The following ACSBG2 variants were observed in gnomAD, a reference collection of about 807,000 sequenced individuals.
The protein encoded by ACSBG2 is long-chain-fatty-acid--CoA ligase ACSBG2.
In ACSBG2, 62 loss-of-function variants were observed where a neutral mutation model predicts 74.7. The observed-to-expected ratio is 0.83, with a 90% CI of 0.68 to 1.03. The LOEUF is 1.03. Among genes scored for constraint, ACSBG2 ranks in the 50% least tolerant of loss-of-function variants. The pLI, the probability that ACSBG2 is intolerant of heterozygous loss-of-function variation, is 0.00. For missense variants in ACSBG2, 730 were observed against 817.6 expected (o/e 0.89, Z 1.31); for synonymous variants, 309 against 294.1 (o/e 1.05, Z -0.52).
At chr19:6,139,394 A>G (rs2088733410) in intron 1 of ACSBG2, among the ~76,000 whole-genome samples, 1 of 152,088 alleles carries the variant, frequency 6.6e-6, no homozygotes, top group Non-Finnish European at 1.5e-5. Context: ...CCTGGCCTCA[A>G]GTTCAACTTA....
chr19:6,192,097 T>C (rs543201443), intron 14 of ACSBG2: 1 of 98,062 alleles, frequency 1.0e-5, no homozygotes, highest in Non-Finnish European at 2.1e-5. Flanking sequence ...AAAAAAAAAA[T>C]AGAATATACA....
intron 1 of ACSBG2, 32 bp from the exon 2 acceptor site, chr19:6,141,481 C>A: frequency 1.8e-6 from 2 of 1,107,924 alleles, no homozygotes; most frequent in South Asian, 1.2e-5. Flanking sequence ...CTTTGCCAAT[C>A]CTGTTAAACT....
intron 10 of ACSBG2, among the ~76,000 whole-genome samples, chr19:6,183,572 C>T (rs2090322605): frequency 6.6e-6 from 1 of 152,218 alleles, no homozygotes. Flanking sequence ...CCCCATGATC[C>T]TCCATCTCAA....
intron 10 of ACSBG2, among the ~76,000 whole-genome samples, chr19:6,184,357 A>G (rs2090339716): frequency 6.6e-6 from 1 of 152,116 alleles, no homozygotes; most frequent in South Asian, 2.1e-4. Context: ...GGTTGAACTT[A>G]TCGATCTCTT....
intron 10 of ACSBG2, among the ~76,000 whole-genome samples, chr19:6,183,955 A>C (rs954417855): frequency 2.6e-5 from 4 of 152,146 alleles, no homozygotes; most frequent in Non-Finnish European, 4.4e-5. Flanking sequence ...ATGAGCCTCC[A>C]TGCTTGGCAA....
At chr19:6,188,973 G>C (rs1329475590) in intron 13 of ACSBG2, among the ~76,000 whole-genome samples, 2 of 152,204 alleles carry the variant, frequency 1.3e-5, no homozygotes, top group Non-Finnish European at 2.9e-5. Context: ...CTGTAGAGCA[G>C]TTAAGGGGAA....
rs986996596 is a variant in ACSBG2, at chr19:6,174,575, G to A, written c.739-2654G>A. 2.0e-5 allele frequency among the ~76,000 whole-genome samples: 3 copies of A among 152,202 alleles called. No individual in the cohort carries two copies. Among genetic ancestry groups the A allele is most frequent in the Admixed American group, 6.5e-5 (1 of 15,282 alleles). ...TGTAATCCCAGCACTTTGGGAGGCC[G>A]AGACAGGAGGATTGCTTGAAGCCAG... is the stretch of plus-strand genomic sequence containing the variant. On this transcript the variant is annotated intron_variant, in intron 7 of 14. Coordinates refer to ENST00000588485, the MANE Select transcript of ACSBG2 (RefSeq NM_030924.5). The surrounding 1 kb of genome is among the most constrained non-coding windows in gnomAD (Gnocchi z 4.2).
At chr19:6,143,187 G>A (rs892821313) in intron 2 of ACSBG2, among the ~76,000 whole-genome samples, 5 of 151,972 alleles carry the variant, frequency 3.3e-5, no homozygotes, top group African/African-American at 1.2e-4. Flanking sequence ...TGGCATTACA[G>A]TCATGCACCA....
intron 7 of ACSBG2, among the ~76,000 whole-genome samples, chr19:6,169,475 G>GT (rs2089904808): frequency 6.6e-6 from 1 of 152,144 alleles, no homozygotes; most frequent in African/African-American, 2.4e-5. Context: ...GTACCATGCT[G>GT]TTTTAGTTAC....
intron 14 of ACSBG2, chr19:6,190,984 T>C (rs996237487): frequency 4.8e-6 from 1 of 208,784 alleles, no homozygotes; most frequent in Admixed American, 5.2e-5. Flanking sequence ...GCCTTTTCTA[T>C]TTGTTTCTAG....
intron 10 of ACSBG2, among the ~76,000 whole-genome samples, chr19:6,184,247 T>C (rs2090337269): frequency 1.3e-5 from 2 of 152,238 alleles, no homozygotes; most frequent in African/African-American, 4.8e-5. Flanking sequence ...TTGTCTTTCA[T>C]ATGAGTTACA....
At chr19:6,166,107 A>G (rs1055374726) in intron 7 of ACSBG2, 92 bp downstream of exon 7, 2 of 1,512,732 alleles carry the variant, frequency 1.3e-6, no homozygotes, top group East Asian at 4.6e-5. Flanking sequence ...AGGGTCTAGT[A>G]CGCAGTGTGG....
chr19:6,174,454 T>C lies in ACSBG2; in HGVS notation c.739-2775T>C, dbSNP rs2090042174. Reference sequence around the variant, plus strand: ...CTGCAGCTCTGTTTAATCTACCACATATACATAAAATGCTTAGAACAATGC... The same window carrying C: ...CTGCAGCTCTGTTTAATCTACCACACATACATAAAATGCTTAGAACAATGC... On this transcript the variant is annotated intron_variant, in intron 7 of 14. Coordinates refer to ENST00000588485, the MANE Select transcript of ACSBG2 (RefSeq NM_030924.5). The surrounding 1 kb of genome is among the most constrained non-coding windows in gnomAD (Gnocchi z 4.2). Among the ~76,000 whole-genome samples the C allele has an allele frequency of 6.6e-6, 1 of 152,194 alleles. No individual in the cohort carries two copies. Among genetic ancestry groups the C allele is most frequent in the Non-Finnish European group, 1.5e-5 (1 of 68,036 alleles).
intron 8 of ACSBG2, among the ~76,000 whole-genome samples, chr19:6,179,566 T>G (rs150881820): frequency 2.4e-3 from 369 of 152,308 alleles, no homozygotes; most frequent in Non-Finnish European, 4.4e-3. Context: ...ATTAGTTTCC[T>G]GTTAATGCCA....
chr19:6,145,475 A>G (rs2088997541), intron 2 of ACSBG2, among the ~76,000 whole-genome samples: 1 of 151,232 alleles, frequency 6.6e-6, no homozygotes, highest in East Asian at 1.9e-4. Context: ...TGGATGTGCA[A>G]TTTCCTTCCA....
chr19:6,146,505 C>A (rs1298583165), intron 2 of ACSBG2, among the ~76,000 whole-genome samples: 1 of 150,852 alleles, frequency 6.6e-6, no homozygotes, highest in East Asian at 2.0e-4. Context: ...GTGGCTCATG[C>A]CTGTAATCCC....
chr19:6,147,308 T>C (rs2089069330), intron 2 of ACSBG2, 138 bp from the exon 3 acceptor site: 1 of 658,328 alleles, frequency 1.5e-6, no homozygotes, highest in Non-Finnish European at 2.6e-6. Flanking sequence ...TTGCCAGTGT[T>C]GACCACATAA....
At chr19:6,184,832 GAAAAAAAAAAAAAAAAAAAAAAAAAA>G (rs371866289) in intron 10 of ACSBG2, among the ~76,000 whole-genome samples, 19 of 13,534 alleles carry the variant, frequency 1.4e-3, no homozygotes, top group South Asian at 0.016. Context: ...ATGTGGAGAT[GAAAAAAAAAAAAAAAAAAAAAAAAAA>G]AAAAAAAAAA....
chr19:6,139,290 C>T (rs989103077), intron 1 of ACSBG2, among the ~76,000 whole-genome samples: 6 of 151,992 alleles, frequency 3.9e-5, no homozygotes, highest in African/African-American at 1.4e-4. Context: ...AGGGTTTCAC[C>T]ATGTTGGCCA....
Sources: gnomAD v4.1 joint callset for allele counts (sites outside exome capture counted in the v4.1 genomes callset) on GRCh38, gnomAD v4.1.1 for gene constraint, Gnocchi (gnomAD v3.1) non-coding constraint, MANE v1.5 for transcripts, NCBI Gene and HGNC (gene_info 2026-07-23, HGNC 2026-07-21) for gene names.